The following PTCHD4 variants were observed in gnomAD, a reference collection of about 807,000 sequenced individuals.
PTCHD4 encodes patched domain-containing protein 4.
Under a neutral mutation model 58.1 loss-of-function variants are expected in PTCHD4, and 33 were observed. That is an observed-to-expected ratio of 0.57 (90% CI 0.43 to 0.76). The LOEUF (loss-of-function observed/expected upper bound fraction) is 0.76, where lower values mean the gene tolerates loss of function less well. PTCHD4 is among the 30% of genes least tolerant of loss of function. PTCHD4 has a pLI of 0.00. For missense variants in PTCHD4, 1,058 were observed against 1,027.1 expected (o/e 1.03, Z -0.41); for synonymous variants, 478 against 409.6 (o/e 1.17, Z -2.02).
At chr6:48,070,123 TTGTG>T (rs66484270) in intron 1 of PTCHD4, among the ~76,000 whole-genome samples, 197 bp from the exon 2 acceptor site, 26,237 of 146,554 alleles carry the variant, frequency 0.18, 2,631 homozygotes, top group Non-Finnish European at 0.24. Flanking sequence ...AAGTGTGTGT[TTGTG>T]TGTGTGTGTG....
intron 4 of PTCHD4, among the ~76,000 whole-genome samples, chr6:47,999,189 G>C (rs892386438): frequency 6.6e-6 from 1 of 152,180 alleles, no homozygotes; most frequent in Non-Finnish European, 1.5e-5. Flanking sequence ...CATCCAATGA[G>C]AGAGTAAGAT....
At chr6:48,046,506 T>A (rs1411207430) in intron 3 of PTCHD4, among the ~76,000 whole-genome samples, 2 of 151,886 alleles carry the variant, frequency 1.3e-5, no homozygotes, top group Admixed American at 6.6e-5. Flanking sequence ...ATTTTCTACC[T>A]TTTAATGTTA....
chr6:47,954,025 G>A (rs187483421), intron 4 of PTCHD4, among the ~76,000 whole-genome samples: 8 of 152,204 alleles, frequency 5.3e-5, no homozygotes, highest in African/African-American at 1.9e-4. Flanking sequence ...AGTGAAGCTA[G>A]ACACTAGAAA....
chr6:48,100,037 A>C (rs1765566767), intron 1 of PTCHD4, among the ~76,000 whole-genome samples: 1 of 152,212 alleles, frequency 6.6e-6, no homozygotes, highest in Non-Finnish European at 1.5e-5. Context: ...ACAGGACAGG[A>C]AGAGTATAGT....
At chr6:47,913,488 A>G (rs1765132366) in intron 4 of PTCHD4, among the ~76,000 whole-genome samples, 1 of 152,140 alleles carries the variant, frequency 6.6e-6, no homozygotes, top group Non-Finnish European at 1.5e-5. Context: ...AAAATCAGAG[A>G]AAGAAAATGA....
chr6:48,073,596 C>T (rs1370074058), intron 1 of PTCHD4, among the ~76,000 whole-genome samples: 1 of 152,196 alleles, frequency 6.6e-6, no homozygotes, highest in Non-Finnish European at 1.5e-5. Flanking sequence ...TTAGCAGTCC[C>T]TTGTGGATAT....
At chr6:47,931,204 C>G (rs1408272000) in intron 4 of PTCHD4, among the ~76,000 whole-genome samples, 2 of 152,228 alleles carry the variant, frequency 1.3e-5, no homozygotes, top group African/African-American at 4.8e-5. Flanking sequence ...TTAGCACTCC[C>G]CATTCACCAC....
intron 1 of PTCHD4, among the ~76,000 whole-genome samples, chr6:48,074,383 C>T (rs1199878860): frequency 6.6e-6 from 1 of 152,204 alleles, no homozygotes; most frequent in Non-Finnish European, 1.5e-5. Context: ...AGCTTGAGCT[C>T]TGTGCTCATG....
At chr6:47,890,829 G>GCT (rs1764355018) in intron 4 of PTCHD4, 4 of 913,254 alleles carry the variant, frequency 4.4e-6, no homozygotes, top group Non-Finnish European at 5.2e-6. Flanking sequence ...TTGCTTTCCT[G>GCT]CTCTCTCTCT....
At chr6:48,012,128 G>A (rs148458980) in intron 3 of PTCHD4, among the ~76,000 whole-genome samples, 23 of 152,254 alleles carry the variant, frequency 1.5e-4, no homozygotes, top group African/African-American at 5.1e-4. Context: ...GTAGCTTGAC[G>A]GGAATAGCAT....
intron 1 of PTCHD4, among the ~76,000 whole-genome samples, chr6:48,108,914 C>T (rs1237231903): frequency 6.6e-6 from 1 of 151,742 alleles, no homozygotes; most frequent in Non-Finnish European, 1.5e-5. Flanking sequence ...AAAGACAATT[C>T]ACTAATAACA....
intron 3 of PTCHD4, among the ~76,000 whole-genome samples, chr6:48,034,281 C>T (rs1160564628): frequency 6.6e-6 from 1 of 151,960 alleles, no homozygotes; most frequent in African/African-American, 2.4e-5. Context: ...TACACATGAC[C>T]TAAAATGACA....
chr6:48,041,443 A>C (rs1411458838), intron 3 of PTCHD4, among the ~76,000 whole-genome samples: 4 of 152,064 alleles, frequency 2.6e-5, no homozygotes, highest in Non-Finnish European at 2.9e-5. Flanking sequence ...TCTGTGGACT[A>C]TGTTAAAATC....
At chr6:48,080,294 TTTTATATGACTG>T (rs1765140644) in intron 1 of PTCHD4, among the ~76,000 whole-genome samples, 1 of 152,132 alleles carries the variant, frequency 6.6e-6, no homozygotes, top group Admixed American at 6.5e-5. Flanking sequence ...CATATCCAAG[TTTTATATGACTG>T]TTCACATGCC....
chr6:47,910,012 T>C (rs1765020710), intron 4 of PTCHD4, among the ~76,000 whole-genome samples: 1 of 152,170 alleles, frequency 6.6e-6, no homozygotes, highest in African/African-American at 2.4e-5. Context: ...AGGTCATTAA[T>C]AACTGATTAA....
chr6:47,912,423 C>T (rs767288098), intron 4 of PTCHD4, among the ~76,000 whole-genome samples: 34 of 152,238 alleles, frequency 2.2e-4, no homozygotes, highest in Middle Eastern at 3.4e-3. Flanking sequence ...TAAAACTGGC[C>T]TTGCCAATGC....
intron 3 of PTCHD4, among the ~76,000 whole-genome samples, chr6:48,062,828 A>G (rs541602364): frequency 2.9e-4 from 44 of 152,300 alleles, no homozygotes; most frequent in Admixed American, 8.5e-4. Flanking sequence ...ATTATCTACT[A>G]TGTGGTAGAA....
At position 47,878,033 on chromosome 6, in the gene PTCHD4, C is replaced by T. The variant is rs1422656439; in HGVS notation, c.*270G>A. On this transcript the variant is annotated 3_prime_UTR_variant, in exon 5 of 5. Coordinates refer to ENST00000339488, the MANE Select transcript of PTCHD4 (RefSeq NM_001384253.1). ...ATTTTGGCCTTCTATCTTAACACTCCATTGATTCATCCATTCCTTGGAAGA... is the reference window on the plus strand; with the variant it reads ...ATTTTGGCCTTCTATCTTAACACTCTATTGATTCATCCATTCCTTGGAAGA... 12 of 310,612 alleles carry T rather than the reference C, an allele frequency of 3.9e-5. No individual in the cohort carries two copies. Among genetic ancestry groups the T allele is most frequent in the Non-Finnish European group, 7.1e-5 (12 of 169,478 alleles). The allele number at this position is 310,612 out of a possible 1,614,324, so 19.2% of individuals were successfully genotyped here. A position where few individuals can be genotyped will look rare whatever the true frequency, so the allele number is the denominator to read the frequency against.
At chr6:47,924,989 G>GTATATGCTTTTAATATATATGTA (rs939490712) in intron 4 of PTCHD4, among the ~76,000 whole-genome samples, 1 of 148,582 alleles carries the variant, frequency 6.7e-6, no homozygotes, top group African/African-American at 2.5e-5. Context: ...TTATATATAT[G>GTATATGCTTTTAATATATATGTA]TATATGCTTT....
Sources: gnomAD v4.1 joint callset for allele counts (sites outside exome capture counted in the v4.1 genomes callset) on GRCh38, gnomAD v4.1.1 for gene constraint, MANE v1.5 for transcripts, NCBI Gene and HGNC (gene_info 2026-07-23, HGNC 2026-07-21) for gene names.